PHKB: variants seen among roughly 807,000 people sequenced by gnomAD.
PHKB encodes the protein phosphorylase b kinase regulatory subunit beta.
Under a neutral mutation model 152.1 loss-of-function variants are expected in PHKB, and 122 were observed. That is an observed-to-expected ratio of 0.80 (90% confidence interval 0.69 to 0.93). The LOEUF (loss-of-function observed/expected upper bound fraction) is 0.93. PHKB is among the 40% of genes least tolerant of loss of function. PHKB has a pLI of 0.00. For synonymous variants in PHKB, 436 were observed against 464.9 expected, an observed-to-expected ratio of 0.94 and a Z score of 0.80; for missense variants, 1,304 against 1,328.4, an observed-to-expected ratio of 0.98 and a Z score of 0.29.
In PHKB at chr16:47,673,326, G is replaced by A. The variant is rs117991349; in HGVS notation, c.2630+3909G>A. The stretch of plus-strand genomic sequence containing the variant: ...TTTGAGCTAGTAATGTGGAATTTAG[G>A]AAAAGCAAAAAGAGAGCATGTCTCT... On this transcript the variant is annotated intron_variant, in intron 26 of 30. Coordinates refer to ENST00000323584, the MANE Select transcript of PHKB (RefSeq NM_000293.3). 5.5e-3 allele frequency among the ~76,000 whole-genome samples: 831 copies of A among 152,080 alleles called. 6 individuals are homozygous for A. Among genetic ancestry groups the A allele is most frequent in the Middle Eastern group, 0.01 (3 of 294 alleles).
intron 13 of PHKB, among the ~76,000 whole-genome samples, chr16:47,604,266 G>C (rs1271918561): frequency 1.3e-5 from 2 of 151,950 alleles, no homozygotes; most frequent in African/African-American, 4.8e-5. Context: ...TTCCTAGTTT[G>C]TTTGCCTTTA....
chr16:47,637,018 G>T (rs765592592), intron 14 of PHKB, among the ~76,000 whole-genome samples: 3 of 152,092 alleles, frequency 2.0e-5, no homozygotes, highest in Non-Finnish European at 4.4e-5. Flanking sequence ...GCCAGACTTG[G>T]ACAGATGTAG....
chr16:47,514,795 G>A (rs936955675), intron 5 of PHKB, among the ~76,000 whole-genome samples: 2 of 152,068 alleles, frequency 1.3e-5, no homozygotes, highest in African/African-American at 4.8e-5. Flanking sequence ...TCCCATTCAG[G>A]ATTCTGTGAG....
intron 1 of PHKB, among the ~76,000 whole-genome samples, chr16:47,487,195 T>A (rs896957270): frequency 2.0e-5 from 3 of 152,206 alleles, no homozygotes; most frequent in Admixed American, 6.5e-5. Context: ...AGTATCAGTA[T>A]CCAGTAGGGA....
At chr16:47,512,388 A>G (rs551348551) in intron 5 of PHKB, among the ~76,000 whole-genome samples, 2 of 152,308 alleles carry the variant, frequency 1.3e-5, no homozygotes, top group South Asian at 4.1e-4. Context: ...AAGAAGGAAG[A>G]CTACAGTTCT....
At chr16:47,676,358 T>C (rs1973732393) in intron 26 of PHKB, 1 of 152,204 alleles carries the variant, frequency 6.6e-6, no homozygotes, top group South Asian at 2.1e-4. Flanking sequence ...CTTTTTGCTA[T>C]TGTTTCTCTC....
chr16:47,584,739 G>A (rs937618121), intron 8 of PHKB, among the ~76,000 whole-genome samples: 14 of 152,164 alleles, frequency 9.2e-5, no homozygotes, highest in African/African-American at 2.9e-4. Context: ...TTGCGGTGTG[G>A]TTTTGTTCCA....
chr16:47,595,898 A>G (rs1215066232), intron 12 of PHKB, among the ~76,000 whole-genome samples: 1 of 152,146 alleles, frequency 6.6e-6, no homozygotes, highest in African/African-American at 2.4e-5. Context: ...TAGCTTATCA[A>G]ATCTGTTGCC....
At chr16:47,563,756 C>T (rs918094418) in intron 7 of PHKB, among the ~76,000 whole-genome samples, 2 of 152,142 alleles carry the variant, frequency 1.3e-5, no homozygotes, top group South Asian at 2.1e-4. Context: ...GTACCCATCA[C>T]CCAAATAATG....
chr16:47,484,406 G>A (rs751418965), intron 1 of PHKB, among the ~76,000 whole-genome samples: 3 of 152,096 alleles, frequency 2.0e-5, no homozygotes, highest in Admixed American at 1.3e-4. Context: ...ATGGAGAAAC[G>A]TAGACTCTAA....
chr16:47,600,591 T>G (rs1972205124), intron 13 of PHKB, among the ~76,000 whole-genome samples: 1 of 152,168 alleles, frequency 6.6e-6, no homozygotes, highest in African/African-American at 2.4e-5. Context: ...ATTCTGAGAA[T>G]TGTGTCATTA....
intron 26 of PHKB, among the ~76,000 whole-genome samples, chr16:47,685,747 T>C (rs568122433): frequency 2.1e-4 from 31 of 147,860 alleles, no homozygotes; most frequent in Admixed American, 1.9e-3. Context: ...TTCTTTTTCT[T>C]TTTTTTTTTT....
chr16:47,697,542 C>T (rs1238285385), intron 29 of PHKB, among the ~76,000 whole-genome samples: 2 of 152,190 alleles, frequency 1.3e-5, no homozygotes, highest in South Asian at 2.1e-4. Flanking sequence ...TTCATATTCT[C>T]ATGGCTAAAG....
In PHKB at chr16:47,610,875, C is replaced by G; in HGVS notation, c.1413C>G (p.Val471=). 6.2e-7 allele frequency: 1 copy of G among 1,608,218 alleles called. No homozygotes were observed. Among genetic ancestry groups the G allele is most frequent in the South Asian group, 1.1e-5 (1 of 90,960 alleles). The change falls in exon 14 of 31, where the codon GTC becomes GTG. Residue 471 remains valine, a synonymous_variant. Transcript: ENST00000323584. ...ACATTGATCCTGTCCAGCGCTATGT[C>G]CCACTAAAGGATCAACGTAACGTGA... ...PKDIDPVQRY[V]PLKDQRNVSM...
intron 1 of PHKB, among the ~76,000 whole-genome samples, chr16:47,479,591 TTGC>T (rs1326702645): frequency 6.6e-6 from 1 of 152,122 alleles, no homozygotes; most frequent in African/African-American, 2.4e-5. Context: ...GGTGAGGCCC[TTGC>T]TGCCTGTGGA....
rs572522941 is a variant in PHKB at position 47,593,513 on chromosome 16, T to C, written c.1082T>C (p.Ile361Thr). 3 of 1,458,742 alleles carry C rather than the reference T, an allele frequency of 2.1e-6. No homozygotes were observed. The highest frequency in any genetic ancestry group is 2.9e-6 in the Non-Finnish European group (3 of 1,038,794). The allele number at this position is 1,458,742 out of a possible 1,614,324, so 90.4% of individuals were successfully genotyped here. A position where few individuals can be genotyped will look rare whatever the true frequency, so the allele number is the denominator to read the frequency against. Residue 361 changes from isoleucine (I) to threonine (T), a missense_variant, in exon 11 of 31, where the codon ATT becomes ACT. Physicochemically the swap from Ile to Thr is moderately conservative, Grantham distance 89 (BLOSUM62 -1). Coordinates refer to ENST00000323584, the MANE Select transcript of PHKB (RefSeq NM_000293.3). ...TTTCTGTTTTAGCTATTTGATGGCA[T>C]TGAATGTGAATTTCCCATATTTTTC... ...KPAEIKLFDG[I>T]ECEFPIFFLY...
At position 47,473,218 on chromosome 16, in the gene PHKB, ATTTTTTTT is replaced by A. The variant is rs1043960499; in HGVS notation, c.76+11819_76+11826del. ...AGGTGTGCACTACCATGCCTGGCTAATTTTTTTTTTTTTTTTTTTTTTTTTTTTTTTTT... is the reference window on the plus strand; with the variant it reads ...AGGTGTGCACTACCATGCCTGGCTAATTTTTTTTTTTTTTTTTTTTTTTTT... On this transcript the variant is annotated intron_variant, in intron 1 of 30. Coordinates refer to ENST00000323584, the MANE Select transcript of PHKB (RefSeq NM_000293.3). Among the ~76,000 whole-genome samples, 13 of 48,766 alleles carry A rather than the reference ATTTTTTTT, an allele frequency of 2.7e-4. No homozygotes were observed. In the South Asian group the frequency reaches 5.0e-3, roughly 19 times the overall value. The allele number at this position is 48,766 out of a possible 152,430, so 32.0% of individuals were successfully genotyped here. A position where few individuals can be genotyped will look rare whatever the true frequency, so the allele number is the denominator to read the frequency against.
At chr16:47,464,225 T>C (rs1212226394) in intron 1 of PHKB, 2 of 539,016 alleles carry the variant, frequency 3.7e-6, no homozygotes, top group East Asian at 3.2e-5. Context: ...TGCCCCGATA[T>C]TTGCAAGCAG....
intron 1 of PHKB, chr16:47,463,921 T>G (rs1052869596): frequency 1.2e-6 from 2 of 1,613,936 alleles, no homozygotes; most frequent in Admixed American, 3.3e-5. Context: ...CGCTTATGAT[T>G]AGAGCCAACA....
Sources: gnomAD v4.1 joint callset for allele counts (sites outside exome capture counted in the v4.1 genomes callset) on GRCh38, gnomAD v4.1.1 for gene constraint, MANE v1.5 for transcripts, NCBI Gene and HGNC (gene_info 2026-07-23, HGNC 2026-07-21) for gene names.